The following DUSP4 variants were observed in gnomAD, a reference collection of about 807,000 sequenced individuals.
The protein encoded by DUSP4 is dual specificity phosphatase 4, also known as dual specificity protein phosphatase 4.
DUSP4 carries 12 observed loss-of-function variants against 27.2 expected under a neutral mutation model. That is an observed-to-expected ratio of 0.44 (90% CI 0.28 to 0.71). The LOEUF is 0.71. DUSP4 is among the 30% of genes least tolerant of loss of function. The probability of loss-of-function intolerance (pLI) is 0.14; values close to 1 mark genes in which losing one functional copy is unlikely to be tolerated. For synonymous variants in DUSP4, 257 were observed against 245.2 expected, an observed-to-expected ratio of 1.05 and a Z score of -0.45; for missense variants, 448 against 551.3, an observed-to-expected ratio of 0.81 and a Z score of 1.88.
rs1817570693 is a variant in DUSP4, at chr8:29,336,206, CTTTTCTT to C, written c.*813_*819del. 6.6e-6 allele frequency: 1 copy of C among 151,172 alleles called. No individual in the cohort carries two copies. The highest frequency in any genetic ancestry group is 2.4e-5 in the African/African-American group (1 of 41,088). The allele number at this position is 151,172 out of a possible 1,614,324, so 9.4% of individuals were successfully genotyped here. On this transcript the variant is annotated 3_prime_UTR_variant, in exon 4 of 4. Transcript: ENST00000240100. Reference sequence around the variant, plus strand: ...CAACATAGTGAGATGCTGTCTTTTTCTTTTCTTTTTTTTTTAAAAAGCAATTCAAACC... The same window carrying C: ...CAACATAGTGAGATGCTGTCTTTTTCTTTTTTTTAAAAAGCAATTCAAACC...
chr8:29,344,643 A>C (rs1485244667), intron 1 of DUSP4, among the ~76,000 whole-genome samples: 1 of 152,070 alleles, frequency 6.6e-6, no homozygotes, highest in Non-Finnish European at 1.5e-5. Flanking sequence ...CAATTTTCCA[A>C]GTTTAGTGGA....
Position 29,350,191 on chromosome 8 carries a change from C to T in DUSP4, c.88G>A (p.Gly30Ser), listed in dbSNP as rs750436757. The T allele has an allele frequency of 3.1e-6, 5 of 1,607,480 alleles. No individual in the cohort carries two copies. The highest frequency in any genetic ancestry group is 2.2e-5 in the East Asian group (1 of 44,776). The change falls in exon 1 of 4, where the codon GGC (glycine) becomes AGC (serine). Residue 30 changes from glycine to serine, a missense_variant. Around this residue, in one of 3 missense-constraint regions of DUSP4, gnomAD observed 345 missense variants for 394.0 expected, o/e 0.88. Transcript: ENST00000240100. ...CCCAGGGTGCCGTGGCTGCCGCTGC[C>T]GCCCGCGCCGCCGCCATTCTCGTCC... ...NRDENGGGAG[G>S]SGSHGTLGLP...
At chr8:29,348,761 G>A (rs112635844) in intron 1 of DUSP4, 126 of 985,392 alleles carry the variant, frequency 1.3e-4, no homozygotes, top group Non-Finnish European at 1.5e-4. Flanking sequence ...GCGCCTGCGG[G>A]GGGGAGGAGC....
At chr8:29,348,467 C>A in intron 1 of DUSP4, 2 of 985,580 alleles carry the variant, frequency 2.0e-6, no homozygotes, top group Non-Finnish European at 2.4e-6. Flanking sequence ...AAAGACAGCC[C>A]TCGCGGAAAA....
intron 1 of DUSP4, among the ~76,000 whole-genome samples, chr8:29,342,102 C>A (rs1273138608): frequency 6.6e-6 from 1 of 151,998 alleles, no homozygotes; most frequent in African/African-American, 2.4e-5. Context: ...TTGGGTGGCC[C>A]AGGAGTGCCA....
chr8:29,337,355 G>GC lies in DUSP4; in HGVS notation c.855dup (p.Arg286AlafsTer26). On this transcript the variant is annotated frameshift_variant, in exon 4 of 4. Transcript: ENST00000240100. LOFTEE classifies it high-confidence loss of function. The surrounding 1 kb of genome is among the most constrained non-coding windows in gnomAD (Gnocchi z 6.4). ...TAGGCCAGGCAGATGGTGGCCGACC[G>GC]CGAGATGCCCGCCTGGCAGTGCACC... The GC allele has an allele frequency of 6.2e-7, 1 of 1,611,138 alleles. No individual in the cohort carries two copies. Among genetic ancestry groups the GC allele is most frequent in the Non-Finnish European group, 8.5e-7 (1 of 1,179,962 alleles).
chr8:29,339,910 G>A (rs571540595), intron 2 of DUSP4, among the ~76,000 whole-genome samples, 188 bp downstream of exon 2: 1 of 151,556 alleles, frequency 6.6e-6, no homozygotes, highest in South Asian at 2.1e-4. Context: ...CTACCAGGGA[G>A]GATCCCTTGA....
At chr8:29,345,608 T>C in intron 1 of DUSP4, 1 of 1,491,828 alleles carries the variant, frequency 6.7e-7, no homozygotes. Flanking sequence ...CTGATTTTTT[T>C]TCAAGGAATT....
At chr8:29,338,065 G>C (rs1463642596) in intron 3 of DUSP4, among the ~76,000 whole-genome samples, 1 of 152,142 alleles carries the variant, frequency 6.6e-6, no homozygotes, top group Non-Finnish European at 1.5e-5. Flanking sequence ...AAGGGGAAGG[G>C]GACTGGCTCT....
chr8:29,339,835 C>G (rs892493228), intron 2 of DUSP4, among the ~76,000 whole-genome samples: 1 of 139,356 alleles, frequency 7.2e-6, no homozygotes, highest in Non-Finnish European at 1.6e-5. Flanking sequence ...AAGACCCCCC[C>G]CCCCCATCTC....
intron 1 of DUSP4, among the ~76,000 whole-genome samples, chr8:29,344,683 C>T (rs1026287281): frequency 6.6e-6 from 1 of 152,180 alleles, no homozygotes; most frequent in Non-Finnish European, 1.5e-5. Flanking sequence ...AAGCCCTCCA[C>T]CACACTCCCC....
At chr8:29,348,373 C>T (rs1817766172) in intron 1 of DUSP4, 1 of 985,678 alleles carries the variant, frequency 1.0e-6, no homozygotes. Context: ...GCCGCCAGGC[C>T]TTCCGGGACA....
intron 2 of DUSP4, 92 bp downstream of exon 2, chr8:29,340,006 A>C: frequency 6.8e-7 from 1 of 1,469,796 alleles, no homozygotes; most frequent in Non-Finnish European, 9.1e-7. Context: ...AAGCAAAGAC[A>C]AAAAACACCG....
At position 29,337,022 on chromosome 8, in the gene DUSP4, G is replaced by A. The variant is rs751992342; in HGVS notation, c.*4C>T. The A allele has an allele frequency of 2.5e-5, 40 of 1,589,806 alleles. No homozygotes were observed. Among genetic ancestry groups the A allele is most frequent in the South Asian group, 1.6e-4 (14 of 87,058 alleles). On this transcript the variant is annotated 3_prime_UTR_variant, in exon 4 of 4. Transcript: ENST00000240100. This position sits in a 1 kb window ranked among gnomAD's most constrained non-coding sequence, Gnocchi z 6.4. Reference sequence around the variant, plus strand: ...GCTCTGGTTCTGGGGCCCCCAGGGCGGCTCTAACAGCTGGGAGAGGTGGTG... The same window carrying A: ...GCTCTGGTTCTGGGGCCCCCAGGGCAGCTCTAACAGCTGGGAGAGGTGGTG...
At chr8:29,347,992 C>G (rs1052160290) in intron 1 of DUSP4, 1 of 985,500 alleles carries the variant, frequency 1.0e-6, no homozygotes, top group Non-Finnish European at 1.2e-6. Flanking sequence ...AGTGGCTGCA[C>G]CCCCGGAAGC....
Position 29,350,204 on chromosome 8 carries a change from G to GCCA in DUSP4, c.72_74dup (p.Gly27dup), listed in dbSNP as rs1263313967. 1 of 1,608,692 alleles carries GCCA rather than the reference G, an allele frequency of 6.2e-7. No individual in the cohort carries two copies. Among genetic ancestry groups the GCCA allele is most frequent in the Non-Finnish European group, 8.5e-7 (1 of 1,178,184 alleles). On this transcript the variant is annotated inframe_insertion, in exon 1 of 4. Transcript: ENST00000240100. Reference sequence around the variant, plus strand: ...GGCTGCCGCTGCCGCCCGCGCCGCCGCCATTCTCGTCCCGGTTCATCAGCC... The same window carrying GCCA: ...GGCTGCCGCTGCCGCCCGCGCCGCCGCCACCATTCTCGTCCCGGTTCATCAGCC...
At chr8:29,347,982 A>C in intron 1 of DUSP4, 1 of 985,536 alleles carries the variant, frequency 1.0e-6, no homozygotes, top group Non-Finnish European at 1.2e-6. Flanking sequence ...GCGGGGCCTA[A>C]GTGGCTGCAC....
rs371504595 is a variant in DUSP4, at chr8:29,335,306, G to C, written c.*1720C>G. On this transcript the variant is annotated 3_prime_UTR_variant, in exon 4 of 4. Transcript: ENST00000240100. ...GGATTCAAAATGGCACCCACGTGCC[G>C]ACGATAGATTCAAAATGGCGCCTGC... 1 of 149,292 alleles carries C rather than the reference G, an allele frequency of 6.7e-6. No homozygotes were observed. The highest frequency in any genetic ancestry group is 2.1e-4 in the East Asian group (1 of 4,842). 9.2% of individuals were successfully genotyped at this position (149,292 alleles called of 1,614,324 possible).
chr8:29,348,149 G>C (rs977072862), intron 1 of DUSP4: 4 of 985,448 alleles, frequency 4.1e-6, no homozygotes, highest in Non-Finnish European at 4.8e-6. Context: ...AGCTGGTCCC[G>C]GGTTTGGACG....
Sources: allele counts gnomAD v4.1 joint callset (sites outside exome capture counted in the v4.1 genomes callset), GRCh38; gene constraint gnomAD v4.1.1; regional missense constraint gnomAD v4.1.1; non-coding constraint Gnocchi (gnomAD v3.1); transcripts MANE v1.5; gene names NCBI Gene and HGNC (gene_info 2026-07-23, HGNC 2026-07-21).